The following TTC29 variants were observed in gnomAD, a reference collection of about 807,000 sequenced individuals.
TTC29 encodes tetratricopeptide repeat domain 29, also known as tetratricopeptide repeat protein 29.
In TTC29, 49 loss-of-function variants were observed where a neutral mutation model predicts 58.1. The ratio of observed to expected loss-of-function variants is 0.84; its 90% CI spans 0.67 to 1.07. The LOEUF (loss-of-function observed/expected upper bound fraction) is 1.07. Among genes scored for constraint, TTC29 ranks in the 50% least tolerant of loss-of-function variants. The probability of loss-of-function intolerance (pLI) is 0.00; values close to 1 mark genes in which losing one functional copy is unlikely to be tolerated. For synonymous variants in TTC29, 209 were observed against 196.8 expected (o/e 1.06, Z -0.52); for missense variants, 582 against 555.6 (o/e 1.05, Z -0.48).
intron 6 of TTC29, among the ~76,000 whole-genome samples, chr4:146,898,199 TC>T (rs1202557102): frequency 2.0e-5 from 3 of 152,142 alleles, no homozygotes; most frequent in Non-Finnish European, 2.9e-5. Flanking sequence ...CAATTCTAAC[TC>T]CTCTCTATGA....
At chr4:146,772,428 C>G (rs1018723427) in intron 11 of TTC29, among the ~76,000 whole-genome samples, 2 of 151,952 alleles carry the variant, frequency 1.3e-5, no homozygotes, top group Admixed American at 6.6e-5. Flanking sequence ...AGAAAGGGGT[C>G]CAGTTTCAAT....
chr4:146,863,044 C>T (rs998160809), intron 8 of TTC29, among the ~76,000 whole-genome samples: 2 of 151,592 alleles, frequency 1.3e-5, no homozygotes, highest in African/African-American at 4.9e-5. Flanking sequence ...ATGGTGTGAA[C>T]CTGGGAGGTG....
At chr4:146,798,881 C>T (rs1288407804) in intron 11 of TTC29, among the ~76,000 whole-genome samples, 5 of 102,696 alleles carry the variant, frequency 4.9e-5, no homozygotes, top group East Asian at 6.1e-4. Context: ...AGCCAGACTC[C>T]GTCTCAAAAA....
At chr4:146,902,432 C>T (rs1414316921) in intron 6 of TTC29, among the ~76,000 whole-genome samples, 1 of 152,146 alleles carries the variant, frequency 6.6e-6, no homozygotes, top group Non-Finnish European at 1.5e-5. Context: ...ATATGTACCC[C>T]TGAACTTAAA....
intron 11 of TTC29, among the ~76,000 whole-genome samples, chr4:146,786,766 A>C (rs1394044676): frequency 5.3e-5 from 8 of 152,134 alleles, no homozygotes; most frequent in Non-Finnish European, 1.2e-4. Flanking sequence ...AATCTGTATA[A>C]ATTTTAGAAG....
chr4:146,765,489 A>G (rs1747238229), intron 11 of TTC29, among the ~76,000 whole-genome samples: 1 of 152,130 alleles, frequency 6.6e-6, no homozygotes, highest in African/African-American at 2.4e-5. Context: ...GCACGAGCCA[A>G]CGCGCTCAGC....
chr4:146,853,200 G>A lies in TTC29; in HGVS notation c.885+14298C>T, dbSNP rs529820533. Among the ~76,000 whole-genome samples, 100 of 151,952 alleles carry A rather than the reference G, an allele frequency of 6.6e-4. 1 individual carries two copies. The highest frequency in any genetic ancestry group is 1.3e-3 in the Non-Finnish European group (86 of 67,910). ...ATATACGTTAATTGTAGAAAATGTT[G>A]AGAATACAGATACCAATCTCCCCCA... On this transcript the variant is annotated intron_variant, in intron 8 of 12. Coordinates refer to ENST00000325106, the MANE Select transcript of TTC29 (RefSeq NM_031956.4).
At chr4:146,707,593 C>G (rs1478991735) in intron 11 of TTC29, 42 bp from the exon 12 acceptor site, 1 of 1,389,000 alleles carries the variant, frequency 7.2e-7, no homozygotes, top group South Asian at 1.2e-5. Context: ...ATCATGAACA[C>G]AGTTTATAGT....
intron 11 of TTC29, among the ~76,000 whole-genome samples, chr4:146,795,373 T>C (rs1414964852): frequency 6.6e-6 from 1 of 152,108 alleles, no homozygotes; most frequent in East Asian, 1.9e-4. Context: ...TTTCCTATAC[T>C]GGGCCCACTG....
At chr4:146,778,511 G>A (rs1385815581) in intron 11 of TTC29, among the ~76,000 whole-genome samples, 2 of 152,064 alleles carry the variant, frequency 1.3e-5, no homozygotes, top group Non-Finnish European at 2.9e-5. Context: ...TTTCATGGGT[G>A]TCAATTTTTT....
rs373867185 is a variant in TTC29, at chr4:146,943,518, GCTTTCT to G, written c.-7+1507_-7+1512del. On this transcript the variant is annotated intron_variant, in intron 2 of 12. Transcript: ENST00000325106. The stretch of plus-strand genomic sequence containing the variant: ...TAGAGTCAGGATGGAAGTTGAACAG[GCTTTCT>G]CTTTGTTTCTGAACCCCACATCCTA... Among the ~76,000 whole-genome samples, 196 of 152,238 alleles carry G rather than the reference GCTTTCT, an allele frequency of 1.3e-3. 1 individual carries two copies. Among genetic ancestry groups the G allele is most frequent in the African/African-American group, 4.6e-3 (190 of 41,566 alleles).
intron 11 of TTC29, among the ~76,000 whole-genome samples, chr4:146,802,116 A>G (rs1750275374): frequency 6.7e-6 from 1 of 149,870 alleles, no homozygotes; most frequent in African/African-American, 2.4e-5. Flanking sequence ...CATTGTGATG[A>G]TTGGAGTTTA....
intron 11 of TTC29, among the ~76,000 whole-genome samples, chr4:146,759,212 T>C (rs905440055): frequency 6.6e-6 from 1 of 151,882 alleles, no homozygotes; most frequent in Non-Finnish European, 1.5e-5. Flanking sequence ...TTTACACACA[T>C]AAACTAGAAA....
intron 6 of TTC29, among the ~76,000 whole-genome samples, chr4:146,902,546 A>G (rs1215864491): frequency 1.3e-5 from 2 of 152,178 alleles, no homozygotes; most frequent in Non-Finnish European, 2.9e-5. Context: ...GCTTTAGTGT[A>G]CACTGTTCCC....
chr4:146,729,638 G>C (rs1344331651), intron 11 of TTC29, among the ~76,000 whole-genome samples: 2 of 152,048 alleles, frequency 1.3e-5, no homozygotes, highest in East Asian at 3.9e-4. Context: ...AACTGCCTGA[G>C]ACTGGGTAAT....
intron 11 of TTC29, among the ~76,000 whole-genome samples, chr4:146,747,647 C>T (rs552180142): frequency 5.3e-5 from 8 of 152,256 alleles, no homozygotes; most frequent in African/African-American, 1.4e-4. Flanking sequence ...CTATAGCTGA[C>T]GCAGCACCCT....
chr4:146,926,565 C>T (rs771379409), intron 4 of TTC29, among the ~76,000 whole-genome samples: 1 of 152,044 alleles, frequency 6.6e-6, no homozygotes, highest in Non-Finnish European at 1.5e-5. Context: ...CAGGTTCAAG[C>T]AATTCTCCTG....
intron 8 of TTC29, among the ~76,000 whole-genome samples, chr4:146,859,862 T>A (rs1369421266): frequency 6.6e-6 from 1 of 152,146 alleles, no homozygotes; most frequent in Non-Finnish European, 1.5e-5. Context: ...TCATCTCTTT[T>A]ACTGTTCTTT....
intron 11 of TTC29, among the ~76,000 whole-genome samples, chr4:146,737,597 G>T (rs978300471): frequency 4.7e-5 from 7 of 150,176 alleles, no homozygotes; most frequent in Admixed American, 2.7e-4. Context: ...CCCTGGGGGG[G>T]GGGGGGCTAC....
Sources: gnomAD v4.1 joint callset for allele counts (sites outside exome capture counted in the v4.1 genomes callset) on GRCh38, gnomAD v4.1.1 for gene constraint, MANE v1.5 for transcripts, NCBI Gene and HGNC (gene_info 2026-07-23, HGNC 2026-07-21) for gene names.